ITGA2: variants seen among roughly 807,000 people sequenced by gnomAD.
The protein encoded by ITGA2 is integrin subunit alpha 2.
Under a neutral mutation model 146.3 loss-of-function variants are expected in ITGA2, and 101 were observed. The observed-to-expected ratio is 0.69, with a 90% CI of 0.59 to 0.81. The LOEUF is 0.81. Among genes scored for constraint, ITGA2 ranks in the 40% least tolerant of loss-of-function variants. ITGA2 has a pLI of 0.00. For synonymous variants in ITGA2, 477 were observed against 487.1 expected (o/e 0.98, Z 0.27); for missense variants, 1,281 against 1,402.7 (o/e 0.91, Z 1.39).
intron 12 of ITGA2, among the ~76,000 whole-genome samples, chr5:53,062,363 C>T (rs970022799): frequency 1.3e-5 from 2 of 151,880 alleles, no homozygotes; most frequent in African/African-American, 4.8e-5. Context: ...ATTATTTATT[C>T]TCCCTGCCTC....
At chr5:53,028,868 C>T (rs74333369) in intron 2 of ITGA2, among the ~76,000 whole-genome samples, 5,554 of 152,310 alleles carry the variant, frequency 0.036, 142 homozygotes, top group East Asian at 0.074. Flanking sequence ...CTGATGGAAG[C>T]CAACACCAGC....
rs760074626 is a variant in ITGA2 at position 53,073,135 on chromosome 5, T to C, written c.2447T>C (p.Val816Ala). 2 of 1,612,108 alleles carry C rather than the reference T, an allele frequency of 1.2e-6. No individual in the cohort carries two copies. The highest frequency in any genetic ancestry group is 2.2e-5 in the East Asian group (1 of 44,772). ...IPAAQEQPFIVSNQNKRLTFS... is the reference protein window; with the variant it reads ...IPAAQEQPFIASNQNKRLTFS... ...TTTAACAGAGAACAACCCTTTATTGTCAGCAACCAAAACAAAAGGTTAACA... is the reference window on the plus strand; with the variant it reads ...TTTAACAGAGAACAACCCTTTATTGCCAGCAACCAAAACAAAAGGTTAACA... Residue 816 changes from valine (V) to alanine (A), a missense_variant, in exon 20 of 30, where the codon GTC becomes GCC. Transcript: ENST00000296585.
At chr5:53,083,919 T>G (rs1236460583) in intron 27 of ITGA2, among the ~76,000 whole-genome samples, 1 of 152,210 alleles carries the variant, frequency 6.6e-6, no homozygotes, top group Non-Finnish European at 1.5e-5. Context: ...AGCATAAAGA[T>G]ATGTCTTCCT....
chr5:53,043,370 A>T (rs1032675047), intron 3 of ITGA2, among the ~76,000 whole-genome samples: 1 of 152,196 alleles, frequency 6.6e-6, no homozygotes, highest in African/African-American at 2.4e-5. Flanking sequence ...AAAGCTATAT[A>T]CATGTACTGG....
At chr5:53,008,287 G>A (rs558018676) in intron 1 of ITGA2, among the ~76,000 whole-genome samples, 4 of 150,030 alleles carry the variant, frequency 2.7e-5, no homozygotes, top group African/African-American at 9.8e-5. Context: ...GGTACTGAGA[G>A]AGAAAGATCT....
chr5:53,041,079 T>G (rs988558), intron 2 of ITGA2, among the ~76,000 whole-genome samples: 98,621 of 151,876 alleles, frequency 0.65, 32,509 homozygotes, highest in Non-Finnish European at 0.7. Flanking sequence ...GCTCATGAAA[T>G]AATTTTAGTT....
At position 53,075,319 on chromosome 5, in the gene ITGA2, G is replaced by A; in HGVS notation, c.2825+15G>A. The A allele has an allele frequency of 6.2e-7, 1 of 1,604,024 alleles. No individual in the cohort carries two copies. The highest frequency in any genetic ancestry group is 8.5e-7 in the Non-Finnish European group (1 of 1,171,866). ...CACTTAACAAGGTAGGTGAAGCAGT[G>A]GGTAACCTGCTATCACTGACACCAA... On this transcript the variant is annotated intron_variant, in intron 23 of 29. Coordinates refer to ENST00000296585, the MANE Select transcript of ITGA2 (RefSeq NM_002203.4).
At chr5:53,040,468 A>G (rs1424573957) in intron 2 of ITGA2, among the ~76,000 whole-genome samples, 2 of 152,196 alleles carry the variant, frequency 1.3e-5, no homozygotes, top group South Asian at 2.1e-4. Flanking sequence ...ACGCGTTCCA[A>G]TTCTGCACTG....
chr5:53,017,930 G>A (rs1463152769), intron 1 of ITGA2, among the ~76,000 whole-genome samples: 3 of 152,240 alleles, frequency 2.0e-5, no homozygotes, highest in South Asian at 4.1e-4. Flanking sequence ...CTGTGGCTGG[G>A]GGAGGCTGCA....
chr5:52,996,748 A>C (rs984992279), intron 1 of ITGA2, among the ~76,000 whole-genome samples: 1 of 152,238 alleles, frequency 6.6e-6, no homozygotes, highest in African/African-American at 2.4e-5. Flanking sequence ...TGCGTTAGTC[A>C]GATTTCCTAA....
intron 21 of ITGA2, among the ~76,000 whole-genome samples, chr5:53,074,827 T>C (rs543053082): frequency 1.3e-5 from 2 of 152,068 alleles, no homozygotes; most frequent in South Asian, 4.1e-4. Flanking sequence ...GACAGGTATA[T>C]ACGCCTGGAT....
In ITGA2 at chr5:53,058,199, G is replaced by T. The variant is rs188809788; in HGVS notation, c.1173+98G>T. 12 of 876,070 alleles carry T rather than the reference G, an allele frequency of 1.4e-5. No homozygotes were observed. The East Asian group carries it at 2.8e-4, about 20-fold the overall frequency. The allele number at this position is 876,070 out of a possible 1,614,324, so 54.3% of individuals were successfully genotyped here. On this transcript the variant is annotated intron_variant, in intron 10 of 29. Transcript: ENST00000296585. ...TAAAATGGGAAGACAGCCATCTAGG[G>T]ATCAGCCCTTCTGATTCCTAGTCAC... is the stretch of plus-strand genomic sequence containing the variant.
At chr5:53,064,803 TG>T in intron 13 of ITGA2, 108 bp from the exon 14 acceptor site, 1 of 1,009,342 alleles carries the variant, frequency 9.9e-7, no homozygotes, top group Middle Eastern at 2.1e-4. Flanking sequence ...CCTCAGCCTC[TG>T]GAGTCTTTGG....
intron 1 of ITGA2, among the ~76,000 whole-genome samples, chr5:53,020,373 T>G (rs899417832): frequency 6.6e-6 from 1 of 152,204 alleles, no homozygotes; most frequent in African/African-American, 2.4e-5. Context: ...TGTGACCATT[T>G]GAGTTACTGA....
At chr5:53,075,585 G>A (rs1208643689) in intron 23 of ITGA2, among the ~76,000 whole-genome samples, 1 of 151,918 alleles carries the variant, frequency 6.6e-6, no homozygotes, top group Non-Finnish European at 1.5e-5. Flanking sequence ...GGCCCTCTGA[G>A]TAGCTGCAAA....
rs752792007 is a variant in ITGA2 at position 53,081,642 on chromosome 5, A to G, written c.3090A>G (p.Gln1030=). 2 of 1,613,364 alleles carry G rather than the reference A, an allele frequency of 1.2e-6. No homozygotes were observed. Among genetic ancestry groups the G allele is most frequent in the Non-Finnish European group, 1.7e-6 (2 of 1,179,708 alleles). ...NADINPLKIG[Q]TSSSVSFKSE... ...ATATCAATCCACTGAAAATAGGACA[A>G]ACATCTTCTTCTGTATCTTTCAAAA... is the stretch of plus-strand genomic sequence containing the variant. The change falls in exon 26 of 30, where the codon CAA becomes CAG. Residue 1030 remains glutamine, a synonymous_variant. Transcript: ENST00000296585.
intron 1 of ITGA2, among the ~76,000 whole-genome samples, chr5:53,006,840 A>G (rs886108026): frequency 3.3e-5 from 5 of 152,162 alleles, no homozygotes; most frequent in African/African-American, 1.2e-4. Flanking sequence ...TCCTAACACA[A>G]CATATTTCAA....
chr5:53,028,886 G>A (rs138409896), intron 2 of ITGA2, among the ~76,000 whole-genome samples: 294 of 152,304 alleles, frequency 1.9e-3, no homozygotes, highest in African/African-American at 6.9e-3. Flanking sequence ...AGCTCTTACA[G>A]GCACTGCTGC....
intron 28 of ITGA2, among the ~76,000 whole-genome samples, chr5:53,088,751 A>G (rs915498954): frequency 1.3e-5 from 2 of 151,976 alleles, no homozygotes; most frequent in African/African-American, 4.8e-5. Flanking sequence ...TTACTTTTGC[A>G]CCAGCTTAAT....
Sources: gnomAD v4.1 joint callset for allele counts (sites outside exome capture counted in the v4.1 genomes callset) on GRCh38, gnomAD v4.1.1 for gene constraint, MANE v1.5 for transcripts, NCBI Gene and HGNC (gene_info 2026-07-23, HGNC 2026-07-21) for gene names.